Variants in GPT2 observed in about 807,000 individuals in gnomAD.
GPT2 encodes the protein alanine aminotransferase 2.
In GPT2, 30 loss-of-function variants were observed where a neutral mutation model predicts 56.9. That is an observed-to-expected ratio of 0.53 (90% CI 0.39 to 0.72). The LOEUF (loss-of-function observed/expected upper bound fraction) is 0.72, where lower values mean the gene tolerates loss of function less well. Among genes scored for constraint, GPT2 ranks in the 30% least tolerant of loss-of-function variants. GPT2 has a pLI of 0.00. For missense variants in GPT2, 542 were observed against 703.4 expected (o/e 0.77, Z 2.60); for synonymous variants, 271 against 283.1 (o/e 0.96, Z 0.43).
intron 4 of GPT2, among the ~76,000 whole-genome samples, chr16:46,903,229 A>T (rs961860214): frequency 2.6e-5 from 4 of 151,798 alleles, no homozygotes; most frequent in African/African-American, 9.7e-5. Flanking sequence ...AGCCTGGGTG[A>T]TGAGAGTGAA....
Position 46,906,919 on chromosome 16 carries a change from G to A in GPT2, c.520G>A (p.Val174Met). 1.2e-6 allele frequency: 2 copies of A among 1,614,242 alleles called. No individual in the cohort carries two copies. The highest frequency in any genetic ancestry group is 1.7e-6 in the Non-Finnish European group (2 of 1,180,054). Residue 174 changes from valine (V) to methionine (M), a missense_variant, in exon 5 of 12, where the codon GTG (valine) becomes ATG (methionine). Physicochemically the swap from Val to Met is conservative, Grantham distance 21. Coordinates refer to ENST00000340124, the MANE Select transcript of GPT2 (RefSeq NM_133443.4). ...AAYITRRDGGVPADPDNIYLT... is the reference protein window; with the variant it reads ...AAYITRRDGGMPADPDNIYLT... ...CTACATCACCAGGAGGGATGGCGGT[G>A]TGCCTGCGGACCCCGACAACATCTA...
At chr16:46,919,125 G>T (rs1482413882) in intron 8 of GPT2, among the ~76,000 whole-genome samples, 1 of 152,210 alleles carries the variant, frequency 6.6e-6, no homozygotes, top group Non-Finnish European at 1.5e-5. Context: ...CTGTGCTCTG[G>T]GTGCAGGGCT....
chr16:46,893,122 TGTTTG>T (rs754406522), intron 2 of GPT2, among the ~76,000 whole-genome samples: 6 of 152,216 alleles, frequency 3.9e-5, no homozygotes, highest in Admixed American at 2.0e-4. Flanking sequence ...CTGAATTTTT[TGTTTG>T]TTTGTTTGTT....
At chr16:46,904,329 C>G (rs187413776) in intron 4 of GPT2, among the ~76,000 whole-genome samples, 1 of 152,092 alleles carries the variant, frequency 6.6e-6, no homozygotes, top group African/African-American at 2.4e-5. Flanking sequence ...GAGAATTGCT[C>G]GAGCCCAGGA....
chr16:46,910,380 CAAAAAAAAAAAAA>C (rs4039999), intron 6 of GPT2, among the ~76,000 whole-genome samples: 10 of 46,476 alleles, frequency 2.2e-4, no homozygotes, highest in Admixed American at 4.3e-4. Flanking sequence ...GACTCTGTCT[CAAAAAAAAAAAAA>C]AAAAAAAAAA....
At chr16:46,901,201 A>C (rs559146222) in intron 4 of GPT2, among the ~76,000 whole-genome samples, 1 of 152,258 alleles carries the variant, frequency 6.6e-6, no homozygotes, top group East Asian at 1.9e-4. Context: ...ACTGTCTTGG[A>C]GATGGCAGCC....
chr16:46,912,514 C>T (rs1321851184), intron 6 of GPT2, among the ~76,000 whole-genome samples: 5 of 152,212 alleles, frequency 3.3e-5, no homozygotes, highest in Non-Finnish European at 7.3e-5. Context: ...AGGCCTCCCG[C>T]TGGAGTTCCC....
intron 8 of GPT2, among the ~76,000 whole-genome samples, chr16:46,919,889 G>C (rs1458086774): frequency 6.6e-6 from 1 of 152,144 alleles, no homozygotes; most frequent in Non-Finnish European, 1.5e-5. Flanking sequence ...GAGTGGAAAA[G>C]ACAGGTGTGG....
intron 2 of GPT2, chr16:46,885,587 C>G (rs922339916): frequency 4.1e-6 from 4 of 978,350 alleles, no homozygotes; most frequent in African/African-American, 1.8e-5. Flanking sequence ...GGTGGGGAAC[C>G]AGAGAGTTGG....
chr16:46,929,939 C>G lies in GPT2; in HGVS notation c.*942C>G, dbSNP rs150052312. Reference sequence around the variant, plus strand: ...AAATGAGGGCTGAAAATATCCTCCCCACAAGGGCAATCCCCGGGACCTGCC... The same window carrying G: ...AAATGAGGGCTGAAAATATCCTCCCGACAAGGGCAATCCCCGGGACCTGCC... On this transcript the variant is annotated 3_prime_UTR_variant, in exon 12 of 12. Coordinates refer to ENST00000340124, the MANE Select transcript of GPT2 (RefSeq NM_133443.4). 1 of 152,726 alleles carries G rather than the reference C, an allele frequency of 6.5e-6. No homozygotes were observed. The highest frequency in any genetic ancestry group is 2.4e-5 in the African/African-American group (1 of 41,590). 9.5% of individuals were successfully genotyped at this position (152,726 alleles called of 1,614,324 possible).
At chr16:46,912,021 C>T (rs925300494) in intron 6 of GPT2, among the ~76,000 whole-genome samples, 2 of 152,170 alleles carry the variant, frequency 1.3e-5, no homozygotes, top group African/African-American at 4.8e-5. Context: ...CCTGGCCTTG[C>T]TCCCGGGGTC....
intron 2 of GPT2, among the ~76,000 whole-genome samples, chr16:46,893,268 C>G (rs1013929834): frequency 5.3e-5 from 8 of 152,108 alleles, no homozygotes; most frequent in Admixed American, 2.6e-4. Flanking sequence ...ATAGCTGGGA[C>G]TACAGGCGCG....
In GPT2 at chr16:46,906,870, C is replaced by T. The variant is rs1160112602; in HGVS notation, c.471C>T (p.Asn157=). Residue 157 remains asparagine, a synonymous_variant, in exon 5 of 12, where the codon AAC becomes AAT. Transcript: ENST00000340124. ...LGSYSASQGV[N]CIREDVAAYI... ...CCTACAGTGCTAGCCAGGGTGTCAA[C>T]TGCATCCGTGAAGATGTGGCTGCCT... is the stretch of plus-strand genomic sequence containing the variant. 2.5e-6 allele frequency: 4 copies of T among 1,614,130 alleles called. No homozygotes were observed. In the South Asian group the frequency reaches 4.4e-5, roughly 18 times the overall value.
At chr16:46,922,542 C>G in intron 9 of GPT2, 126 bp downstream of exon 9, 1 of 848,022 alleles carries the variant, frequency 1.2e-6, no homozygotes, top group Non-Finnish European at 1.8e-6. Context: ...TGCAGGTGCA[C>G]TCATGGCTCT....
intron 4 of GPT2, 82 bp from the exon 5 acceptor site, chr16:46,906,760 C>T (rs1567337832): frequency 1.9e-6 from 3 of 1,555,798 alleles, no homozygotes; most frequent in Non-Finnish European, 2.6e-6. Flanking sequence ...AGGCATCCCT[C>T]TAATTATATG....
At chr16:46,921,594 A>G (rs999452283) in intron 8 of GPT2, among the ~76,000 whole-genome samples, 2 of 152,156 alleles carry the variant, frequency 1.3e-5, no homozygotes, top group African/African-American at 2.4e-5. Flanking sequence ...TGTGGTCGTT[A>G]GTGTGAACGT....
chr16:46,924,554 A>ATGGGC lies in GPT2; in HGVS notation c.1368+19_1368+23dup, dbSNP rs771612434. 3 of 1,613,388 alleles carry ATGGGC rather than the reference A, an allele frequency of 1.9e-6. No individual in the cohort carries two copies. Among genetic ancestry groups the ATGGGC allele is most frequent in the Non-Finnish European group, 2.5e-6 (3 of 1,179,528 alleles). On this transcript the variant is annotated intron_variant, in intron 10 of 11. Transcript: ENST00000340124. ...TGTGGAGGCTGCTCAGGTCTGGGGC[A>ATGGGC]TGGGCTGGGCTGGCTCTCTCTTACC...
Position 46,918,464 on chromosome 16 carries a change from C to T in GPT2, c.901-157C>T, listed in dbSNP as rs117075246. Among the ~76,000 whole-genome samples, 955 of 152,324 alleles carry T rather than the reference C, an allele frequency of 6.3e-3. 6 individuals are homozygous for T. The highest frequency in any genetic ancestry group is 0.014 in the Middle Eastern group (4 of 294). On this transcript the variant is annotated intron_variant, in intron 7 of 11. Transcript: ENST00000340124. ...GCCTCCTTGCTTATTCCAGAAAGTT[C>T]CTTCAGGCACACTTGGCTCATCCCT...
chr16:46,899,120 A>G (rs1018566353), intron 3 of GPT2, among the ~76,000 whole-genome samples: 4 of 143,674 alleles, frequency 2.8e-5, no homozygotes, highest in African/African-American at 1.0e-4. Context: ...GTAACCTCAA[A>G]CTCCTGGGCT....
Sources: gnomAD v4.1 joint callset for allele counts (sites outside exome capture counted in the v4.1 genomes callset) on GRCh38, gnomAD v4.1.1 for gene constraint, MANE v1.5 for transcripts, NCBI Gene and HGNC (gene_info 2026-07-23, HGNC 2026-07-21) for gene names.